Variants in VWA8 observed in about 807,000 individuals in gnomAD.
VWA8 encodes the protein von Willebrand factor A domain containing 8.
VWA8 carries 221 observed loss-of-function variants against 241.5 expected under a neutral mutation model. That is an observed-to-expected ratio of 0.91 (90% CI 0.82 to 1.02). The LOEUF (loss-of-function observed/expected upper bound fraction) is 1.02. Ranked by LOEUF, VWA8 falls within the 50% of genes least tolerant of loss-of-function variation. VWA8 has a pLI of 0.00. For synonymous variants in VWA8, 852 were observed against 827.1 expected (o/e 1.03, Z -0.52); for missense variants, 2,322 against 2,328.7 (o/e 1.00, Z 0.06).
intron 43 of VWA8, among the ~76,000 whole-genome samples, chr13:41,574,989 A>G (rs545980328): frequency 1.3e-3 from 200 of 152,336 alleles, no homozygotes; most frequent in African/African-American, 4.6e-3. Flanking sequence ...ACAATTAGCA[A>G]TTGCAATGAT....
intron 26 of VWA8, among the ~76,000 whole-genome samples, chr13:41,709,692 T>C (rs2045303974): frequency 1.3e-5 from 2 of 152,270 alleles, no homozygotes; most frequent in East Asian, 3.9e-4. Flanking sequence ...CCAGGGCAGA[T>C]GGCTGCAATC....
rs542397592 is a variant in VWA8 at position 41,908,192 on chromosome 13, G to A, written c.373-496C>T. On this transcript the variant is annotated intron_variant, in intron 3 of 44. Transcript: ENST00000379310. Reference sequence around the variant, plus strand: ...TAAAAATCCCAATAATCAGCTGGGCGCTGTGGCTCACACCTGTAATCCCAG... The same window carrying A: ...TAAAAATCCCAATAATCAGCTGGGCACTGTGGCTCACACCTGTAATCCCAG... 3.9e-5 allele frequency among the ~76,000 whole-genome samples: 6 copies of A among 152,270 alleles called. No individual in the cohort carries two copies. The South Asian group carries it at 1.2e-3, about 32-fold the overall frequency.
chr13:41,803,018 G>A (rs1038193968), intron 17 of VWA8, among the ~76,000 whole-genome samples: 1 of 152,244 alleles, frequency 6.6e-6, no homozygotes, highest in Non-Finnish European at 1.5e-5. Context: ...AAGAGTCTCT[G>A]TCTAGCAGTC....
chr13:41,749,351 A>G (rs2045635766), intron 21 of VWA8, among the ~76,000 whole-genome samples: 1 of 152,222 alleles, frequency 6.6e-6, no homozygotes. Flanking sequence ...AAAAGTCAGG[A>G]AACAATAGGG....
intron 35 of VWA8, among the ~76,000 whole-genome samples, chr13:41,679,699 G>C (rs935805463): frequency 1.3e-5 from 2 of 152,116 alleles, no homozygotes; most frequent in Admixed American, 1.3e-4. Context: ...ATAAAAGGCT[G>C]ATATACATTA....
At chr13:41,829,951 A>C (rs973297409) in intron 14 of VWA8, among the ~76,000 whole-genome samples, 1 of 152,158 alleles carries the variant, frequency 6.6e-6, no homozygotes, top group African/African-American at 2.4e-5. Context: ...TTTTTAAAAA[A>C]ATCACTGTCG....
chr13:41,813,464 AT>A (rs1336555461), intron 16 of VWA8, among the ~76,000 whole-genome samples: 2 of 152,180 alleles, frequency 1.3e-5, no homozygotes, highest in African/African-American at 4.8e-5. Flanking sequence ...CCCATTTTTA[AT>A]ACCTAGGACC....
chr13:41,873,693 T>C (rs1056682114), intron 9 of VWA8, among the ~76,000 whole-genome samples: 1 of 152,150 alleles, frequency 6.6e-6, no homozygotes, highest in African/African-American at 2.4e-5. Context: ...CAATAACCAA[T>C]AGCTCACCAA....
chr13:41,905,685 T>G (rs993924044), intron 4 of VWA8, among the ~76,000 whole-genome samples: 1 of 152,096 alleles, frequency 6.6e-6, no homozygotes, highest in African/African-American at 2.4e-5. Flanking sequence ...CAAGTTGTTG[T>G]CTTACAGACT....
intron 4 of VWA8, among the ~76,000 whole-genome samples, chr13:41,899,802 C>A (rs139651472): frequency 2.6e-4 from 40 of 152,348 alleles, no homozygotes; most frequent in African/African-American, 9.1e-4. Flanking sequence ...TCAGACTCAA[C>A]TGGAGAGAAA....
At chr13:41,760,695 G>A (rs1459603131) in intron 21 of VWA8, among the ~76,000 whole-genome samples, 2 of 151,926 alleles carry the variant, frequency 1.3e-5, no homozygotes, top group Non-Finnish European at 2.9e-5. Flanking sequence ...CTTTAAGGAA[G>A]GCAAGGAGAC....
chr13:41,885,377 T>A (rs1006206568), intron 8 of VWA8, among the ~76,000 whole-genome samples: 5 of 152,246 alleles, frequency 3.3e-5, no homozygotes, highest in Admixed American at 6.5e-5. Flanking sequence ...CTCTATCAGA[T>A]CCCCTCAGAT....
intron 26 of VWA8, among the ~76,000 whole-genome samples, chr13:41,705,585 G>A (rs2045278088): frequency 6.6e-6 from 1 of 152,122 alleles, no homozygotes; most frequent in African/African-American, 2.4e-5. Context: ...AGAGATTTGG[G>A]TTTTAGTTCT....
intron 25 of VWA8, among the ~76,000 whole-genome samples, chr13:41,720,061 A>G (rs1476779977): frequency 6.6e-6 from 1 of 152,142 alleles, no homozygotes; most frequent in Non-Finnish European, 1.5e-5. Flanking sequence ...TAATATGAGT[A>G]CCAGATCGAA....
chr13:41,747,314 A>G (rs1319146456), intron 21 of VWA8, among the ~76,000 whole-genome samples: 4 of 152,258 alleles, frequency 2.6e-5, no homozygotes, highest in Admixed American at 1.3e-4. Flanking sequence ...GGTCCTTCAC[A>G]TCCCTTGTAA....
Position 41,699,255 on chromosome 13 carries a change from G to A in VWA8, c.3380C>T (p.Thr1127Ile), listed in dbSNP as rs2045234841. The change falls in exon 29 of 45, where the codon ACT (threonine) becomes ATT (isoleucine). Residue 1127 changes from threonine to isoleucine, a missense_variant. Physicochemically the swap from Thr to Ile is moderately conservative, Grantham distance 89. Coordinates refer to ENST00000379310, the MANE Select transcript of VWA8 (RefSeq NM_015058.2). ...IATSHENEQNTLYVVTCNPAS... is the reference protein window; with the variant it reads ...IATSHENEQNILYVVTCNPAS... ...GGGATTGCATGTAACTACATAGAGA[G>A]TATTTTGCTCATTTTCTGAAATGAC... 1.2e-6 allele frequency: 2 copies of A among 1,614,036 alleles called. No homozygotes were observed. Among genetic ancestry groups the A allele is most frequent in the South Asian group, 1.1e-5 (1 of 91,034 alleles).
intron 21 of VWA8, among the ~76,000 whole-genome samples, chr13:41,750,897 A>C (rs1289066519): frequency 6.6e-6 from 1 of 152,116 alleles, no homozygotes; most frequent in African/African-American, 2.4e-5. Flanking sequence ...AAAAAAAAAA[A>C]AAAACTCAAG....
At chr13:41,754,196 C>T (rs7336642) in intron 21 of VWA8, among the ~76,000 whole-genome samples, 25,169 of 151,954 alleles carry the variant, frequency 0.17, 2,187 homozygotes, top group Non-Finnish European at 0.2. Flanking sequence ...CCACATGTTG[C>T]GGGAGGGACC....
At chr13:41,852,495 G>A (rs1339524266) in intron 12 of VWA8, among the ~76,000 whole-genome samples, 2 of 152,030 alleles carry the variant, frequency 1.3e-5, no homozygotes, top group Non-Finnish European at 2.9e-5. Flanking sequence ...TGCTTTGGCT[G>A]CCTATGCTTT....
Sources: allele counts gnomAD v4.1 joint callset (sites outside exome capture counted in the v4.1 genomes callset), GRCh38; gene constraint gnomAD v4.1.1; transcripts MANE v1.5; gene names NCBI Gene and HGNC (gene_info 2026-07-23, HGNC 2026-07-21).